The following N4BP2L2 variants were observed in gnomAD, a reference collection of about 807,000 sequenced individuals.
N4BP2L2 encodes NEDD4-binding protein 2-like 2.
N4BP2L2 carries 50 observed loss-of-function variants against 56.2 expected under a neutral mutation model. The observed-to-expected ratio is 0.89, with a 90% confidence interval of 0.71 to 1.13. The LOEUF (loss-of-function observed/expected upper bound fraction) is 1.13, where lower values mean the gene tolerates loss of function less well. Among genes scored for constraint, N4BP2L2 ranks in the 50% most tolerant of loss-of-function variants. The pLI is 0.00. For synonymous variants in N4BP2L2, 203 were observed against 223.6 expected (o/e 0.91, Z 0.82); for missense variants, 689 against 693.8 (o/e 0.99, Z 0.08).
intron 4 of N4BP2L2, chr13:32,521,907 C>T (rs1400431334): frequency 2.0e-5 from 7 of 343,404 alleles, no homozygotes; most frequent in South Asian, 2.0e-4. Context: ...ACTGGGGAGG[C>T]GGAGCTTGCA....
At chr13:32,477,698 A>G (rs1262839427) in intron 6 of N4BP2L2, 2 of 389,612 alleles carry the variant, frequency 5.1e-6, no homozygotes, top group Non-Finnish European at 9.2e-6. Flanking sequence ...GCCTATCTGG[A>G]AAAATAGACC....
intron 3 of N4BP2L2, chr13:32,526,868 G>GA (rs1184773580): frequency 1.2e-5 from 1 of 86,880 alleles, no homozygotes; most frequent in Non-Finnish European, 2.0e-5. Flanking sequence ...AAGTCCCCAA[G>GA]AAATTCAAAA....
chr13:32,489,043 A>G (rs775812670), intron 6 of N4BP2L2, among the ~76,000 whole-genome samples: 3 of 152,196 alleles, frequency 2.0e-5, no homozygotes, highest in Non-Finnish European at 4.4e-5. Flanking sequence ...ACTGCACTCC[A>G]GCCCGGGTGA....
chr13:32,507,478 C>T (rs2091144191), downstream of N4BP2L2: 1 of 152,082 alleles, frequency 6.6e-6, no homozygotes, highest in South Asian at 2.1e-4. Flanking sequence ...TAAACATGTC[C>T]TCATTTATCC....
At chr13:32,536,580 T>C in exon 2 of N4BP2L2, 1 of 1,613,914 alleles carries the variant, frequency 6.2e-7, no homozygotes, top group South Asian at 1.1e-5. Context: ...CCTCTGTCAT[T>C]TATACCATTT....
chr13:32,460,193 A>G (rs888133786), intron 6 of N4BP2L2, among the ~76,000 whole-genome samples: 2 of 152,230 alleles, frequency 1.3e-5, no homozygotes, highest in African/African-American at 4.8e-5. Flanking sequence ...CTCTTAAGTA[A>G]CATCATACTG....
At chr13:32,466,981 G>A (rs1031458340) in intron 6 of N4BP2L2, among the ~76,000 whole-genome samples, 2 of 152,134 alleles carry the variant, frequency 1.3e-5, no homozygotes, top group African/African-American at 2.4e-5. Context: ...TGGCAGATAA[G>A]AGATTTTAGT....
At chr13:32,463,918 CAAAAA>C (rs58685358) in intron 6 of N4BP2L2, among the ~76,000 whole-genome samples, 1 of 64,174 alleles carries the variant, frequency 1.6e-5, no homozygotes, top group Non-Finnish European at 2.8e-5. Context: ...TGCCCATGAC[CAAAAA>C]AAAAAAAAAA....
intron 6 of N4BP2L2, among the ~76,000 whole-genome samples, chr13:32,496,264 C>A (rs1287791394): frequency 1.3e-5 from 2 of 151,702 alleles, no homozygotes; most frequent in Non-Finnish European, 2.9e-5. Flanking sequence ...GAAAACAAAT[C>A]AAAGATACTT....
chr13:32,442,303 A>G (rs2076513540), intron 7 of N4BP2L2: 1 of 1,173,614 alleles, frequency 8.5e-7, no homozygotes, highest in Non-Finnish European at 1.2e-6. Context: ...GCATGAGATC[A>G]CTAACCACCA....
intron 6 of N4BP2L2, among the ~76,000 whole-genome samples, chr13:32,473,907 T>C (rs552269877): frequency 6.6e-6 from 1 of 152,330 alleles, no homozygotes; most frequent in South Asian, 2.1e-4. Context: ...CCCTTTGCCA[T>C]GTAAGATAAG....
exon 2 of N4BP2L2, chr13:32,536,104 T>A: frequency 1.2e-6 from 2 of 1,614,136 alleles, no homozygotes; most frequent in Non-Finnish European, 1.7e-6. Flanking sequence ...GAGAGTCATC[T>A]TGGGCTTGGA....
intron 6 of N4BP2L2, among the ~76,000 whole-genome samples, chr13:32,471,076 C>A (rs1306402005): frequency 6.6e-6 from 1 of 152,182 alleles, no homozygotes; most frequent in Non-Finnish European, 1.5e-5. Context: ...GGAGGTGACA[C>A]CTACAGTAAT....
In N4BP2L2 at chr13:32,481,114, G is replaced by A. The variant is rs774956100; in HGVS notation, c.365+36743C>T. 3.3e-4 allele frequency among the ~76,000 whole-genome samples: 18 copies of A among 53,938 alleles called. 1 individual carries two copies. The highest frequency in any genetic ancestry group is 4.8e-4 in the Non-Finnish European group (17 of 35,276). The allele number at this position is 53,938 out of a possible 152,430, so 35.4% of individuals were successfully genotyped here. A position where few individuals can be genotyped will look rare whatever the true frequency, so the allele number is the denominator to read the frequency against. Reference sequence around the variant, plus strand: ...AGCCTCAGCAACAGAGTGAGACTCTGTCTCAAAAAAAAAAAAAAAAAAAAA... The same window carrying A: ...AGCCTCAGCAACAGAGTGAGACTCTATCTCAAAAAAAAAAAAAAAAAAAAA... On this transcript the variant is annotated intron_variant, in intron 6 of 9. Transcript: ENST00000357505.
At chr13:32,443,947 T>C in exon 7 of N4BP2L2, 1 of 1,599,694 alleles carries the variant, frequency 6.3e-7, no homozygotes, top group Non-Finnish European at 8.5e-7. Context: ...TCTGGTCTTT[T>C]CAATGTCTTC....
At chr13:32,538,482 G>T in intron 1 of N4BP2L2, 136 bp downstream of exon 1, 1 of 395,872 alleles carries the variant, frequency 2.5e-6, no homozygotes, top group Non-Finnish European at 3.4e-6. Context: ...CAGGAATTCT[G>T]GAGGTCTCTG....
In N4BP2L2 at chr13:32,536,252, G is replaced by A. The variant is rs199934394; in HGVS notation, c.776C>T (p.Thr259Ile). The A allele has an allele frequency of 9.9e-5, 160 of 1,613,556 alleles. 1 individual carries two copies. Among genetic ancestry groups the A allele is most frequent in the Non-Finnish European group, 3.4e-6 (4 of 1,179,968 alleles). ...TTCAGGCCTGAAAGAAGTAAATGAAGTGTCACAAAATGTAGGTATTACTTG... is the reference window on the plus strand; with the variant it reads ...TTCAGGCCTGAAAGAAGTAAATGAAATGTCACAAAATGTAGGTATTACTTG... The change falls in exon 2 of 6, where the codon ACT becomes ATT. Residue 259 changes from threonine to isoleucine, a missense_variant. Physicochemically the swap from Thr to Ile is moderately conservative, Grantham distance 89. Transcript: ENST00000267068.
chr13:32,478,130 C>T (rs1293166221), intron 6 of N4BP2L2: 13 of 1,110,474 alleles, frequency 1.2e-5, no homozygotes, highest in South Asian at 8.9e-5. Context: ...ATAACGTCTA[C>T]GCCATGGCCA....
intron 6 of N4BP2L2, among the ~76,000 whole-genome samples, chr13:32,470,200 G>A (rs954449839): frequency 2.6e-5 from 4 of 152,164 alleles, no homozygotes; most frequent in East Asian, 1.9e-4. Context: ...TTGATGGACC[G>A]CTTGACAATG....
Sources: allele counts gnomAD v4.1 joint callset (sites outside exome capture counted in the v4.1 genomes callset), GRCh38; gene constraint gnomAD v4.1.1; transcripts MANE v1.5; gene names NCBI Gene and HGNC (gene_info 2026-07-23, HGNC 2026-07-21).